TNNC2: variants seen among roughly 807,000 people sequenced by gnomAD.
TNNC2 encodes troponin C, skeletal muscle.
In TNNC2, 14 loss-of-function variants were observed where a neutral mutation model predicts 20.0. The ratio of observed to expected loss-of-function variants is 0.70; its 90% CI spans 0.46 to 1.09. The LOEUF (loss-of-function observed/expected upper bound fraction) is 1.09. Ranked by LOEUF, TNNC2 falls within the 50% of genes least tolerant of loss-of-function variation. The pLI, the probability that TNNC2 is intolerant of heterozygous loss-of-function variation, is 0.00. For synonymous variants in TNNC2, 81 were observed against 77.3 expected, an observed-to-expected ratio of 1.05 and a Z score of -0.25; for missense variants, 163 against 223.8, an observed-to-expected ratio of 0.73 and a Z score of 1.73.
In TNNC2 at chr20:45,823,888, GC is replaced by G; in HGVS notation, c.451+102del. The G allele has an allele frequency of 1.9e-6, 3 of 1,563,484 alleles. No individual in the cohort carries two copies. The Admixed American group carries it at 5.3e-5, about 28-fold the overall frequency. On this transcript the variant is annotated intron_variant, in intron 5 of 5. Transcript: ENST00000372555. This position sits in a 1 kb window ranked among gnomAD's most constrained non-coding sequence, Gnocchi z 4.6. ...GGGGAACTTGGTGAAGTTACGCCCAGCCCAGCCCACAAGGCCAAGGACACTG... is the reference window on the plus strand; with the variant it reads ...GGGGAACTTGGTGAAGTTACGCCCAGCCAGCCCACAAGGCCAAGGACACTG...
At chr20:45,826,978 C>T (rs532696428) in intron 1 of TNNC2, among the ~76,000 whole-genome samples, 4 of 152,326 alleles carry the variant, frequency 2.6e-5, no homozygotes, top group African/African-American at 9.6e-5. Flanking sequence ...AAGCTAAGAG[C>T]TCTTCACAGG....
At chr20:45,830,373 C>T (rs1983080636), upstream of TNNC2, among the ~76,000 whole-genome samples, 1 of 150,888 alleles carries the variant, frequency 6.6e-6, no homozygotes. Context: ...ACTCTAAACA[C>T]CACCTTCTAT....
At chr20:45,824,685 G>A (rs780344549) in intron 2 of TNNC2, 47 bp from the exon 3 acceptor site, 1 of 1,602,092 alleles carries the variant, frequency 6.2e-7, no homozygotes, top group South Asian at 1.1e-5. Flanking sequence ...TGGACTGTCA[G>A]CCTCACACCT....
chr20:45,827,351 C>A (rs1406991656), upstream of TNNC2: 5 of 1,487,944 alleles, frequency 3.4e-6, no homozygotes, highest in African/African-American at 1.4e-5. Flanking sequence ...TGTAGGGGCA[C>A]CCTCCCCTCC....
Position 45,823,391 on chromosome 20 carries a change from G to A in TNNC2, c.452-12C>T, listed in dbSNP as rs369355208. ...CATCTTCAGGAACTCTGAGGGAAAG[G>A]AGAGGGAGAGGGTCAGGGGTCCCAC... is the stretch of plus-strand genomic sequence containing the variant. On this transcript the variant is annotated splice_polypyrimidine_tract_variant and intron_variant, in intron 5 of 5. Transcript: ENST00000372555. The surrounding 1 kb of genome is among the most constrained non-coding windows in gnomAD (Gnocchi z 4.6). The A allele has an allele frequency of 5.5e-5, 88 of 1,591,432 alleles. 1 individual carries two copies. In the African/African-American group the frequency reaches 9.6e-4, roughly 17 times the overall value.
At chr20:45,829,160 G>GTTTTTT (rs57079984), upstream of TNNC2, among the ~76,000 whole-genome samples, 4 of 98,280 alleles carry the variant, frequency 4.1e-5, no homozygotes, top group Non-Finnish European at 8.3e-5. Flanking sequence ...TTTGTTTTTG[G>GTTTTTT]TTTTTTTTTT....
chr20:45,825,448 C>T (rs1335488061), intron 1 of TNNC2, among the ~76,000 whole-genome samples: 1 of 151,862 alleles, frequency 6.6e-6, no homozygotes, highest in African/African-American at 2.4e-5. Flanking sequence ...TGCGCCAACA[C>T]GCCCAGCTAA....
Position 45,823,505 on chromosome 20 carries a change from TTG to T in TNNC2, c.452-128_452-127del. On this transcript the variant is annotated intron_variant, in intron 5 of 5. Transcript: ENST00000372555. This position sits in a 1 kb window ranked among gnomAD's most constrained non-coding sequence, Gnocchi z 4.6. ...TTTGTTGAGACAGAGTCTCACTCTG[TTG>T]CCAAGGTCGCCAAGGTCTGTCACCC... 1.1e-6 allele frequency: 1 copy of T among 942,456 alleles called. No homozygotes were observed. Among genetic ancestry groups the T allele is most frequent in the Non-Finnish European group, 1.6e-6 (1 of 641,760 alleles). The allele number at this position is 942,456 out of a possible 1,614,324, so 58.4% of individuals were successfully genotyped here. A position where few individuals can be genotyped will look rare whatever the true frequency, so the allele number is the denominator to read the frequency against.
chr20:45,827,263 G>A lies in TNNC2; in HGVS notation c.-15C>T, dbSNP rs754727107. The A allele has an allele frequency of 2.7e-5, 43 of 1,613,938 alleles. No individual in the cohort carries two copies. Among genetic ancestry groups the A allele is most frequent in the Admixed American group, 2.2e-4 (13 of 60,000 alleles). On this transcript the variant is annotated 5_prime_UTR_variant, in exon 1 of 6. Coordinates refer to ENST00000372555, the MANE Select transcript of TNNC2 (RefSeq NM_003279.3). ...GTCCTTACCATGGTTGCTGGTGACCGGGACTCCTCTGTTGCAGGTCGCCTC... is the reference window on the plus strand; with the variant it reads ...GTCCTTACCATGGTTGCTGGTGACCAGGACTCCTCTGTTGCAGGTCGCCTC...
rs749513092 is a variant in TNNC2 at position 45,824,411 on chromosome 20, G to T, written c.200-5C>A. The T allele has an allele frequency of 1.2e-6, 2 of 1,610,532 alleles. No homozygotes were observed. The highest frequency in any genetic ancestry group is 2.7e-5 in the African/African-American group (2 of 74,886). ...CGAAGTCGATGGTGCCGCTGCCTGC[G>T]GGCAGCAGGTGGCAGACTGAGCCTG... On this transcript the variant is annotated splice_region_variant and splice_polypyrimidine_tract_variant and intron_variant, in intron 3 of 5. Coordinates refer to ENST00000372555, the MANE Select transcript of TNNC2 (RefSeq NM_003279.3).
intron 4 of TNNC2, 47 bp downstream of exon 4, chr20:45,824,245 G>C (rs1289812152): frequency 6.2e-7 from 1 of 1,604,084 alleles, no homozygotes; most frequent in Non-Finnish European, 8.5e-7. Flanking sequence ...TGCCGGCCGG[G>C]TTCTGACTGC....
rs775665049 is a variant in TNNC2 at position 45,823,383 on chromosome 20, A to G, written c.452-4T>C. 1 of 1,592,250 alleles carries G rather than the reference A, an allele frequency of 6.3e-7. No individual in the cohort carries two copies. The highest frequency in any genetic ancestry group is 8.5e-7 in the Non-Finnish European group (1 of 1,169,802). ...CCCTCCATCATCTTCAGGAACTCTG[A>G]GGGAAAGGAGAGGGAGAGGGTCAGG... On this transcript the variant is annotated splice_region_variant and splice_polypyrimidine_tract_variant and intron_variant, in intron 5 of 5. Transcript: ENST00000372555. The surrounding 1 kb of genome is among the most constrained non-coding windows in gnomAD (Gnocchi z 4.6).
In TNNC2 at chr20:45,823,935, G is replaced by GC. The variant is rs1400689477; in HGVS notation, c.451+55dup. On this transcript the variant is annotated intron_variant, in intron 5 of 5. Coordinates refer to ENST00000372555, the MANE Select transcript of TNNC2 (RefSeq NM_003279.3). The surrounding 1 kb of genome is among the most constrained non-coding windows in gnomAD (Gnocchi z 4.6). ...CACTGCACCGGAGCCAGGCACCAGT[G>GC]CCCGCCGTCCTCTGGGGCTCCCACC... is the stretch of plus-strand genomic sequence containing the variant. 1 of 1,608,814 alleles carries GC rather than the reference G, an allele frequency of 6.2e-7. No individual in the cohort carries two copies. The highest frequency in any genetic ancestry group is 8.5e-7 in the Non-Finnish European group (1 of 1,176,892).
chr20:45,826,683 G>C (rs1982979792), intron 1 of TNNC2, among the ~76,000 whole-genome samples: 1 of 152,198 alleles, frequency 6.6e-6, no homozygotes, highest in African/African-American at 2.4e-5. Flanking sequence ...GTGGGGAGGG[G>C]GATCTCAGAC....
chr20:45,827,563 C>T (rs916839419), upstream of TNNC2, among the ~76,000 whole-genome samples: 2 of 152,134 alleles, frequency 1.3e-5, no homozygotes, highest in Admixed American at 1.3e-4. Context: ...CCTTGGAGTC[C>T]CCCCGACCGA....
Position 45,823,263 on chromosome 20 carries a change from C to T in TNNC2, c.*85G>A, listed in dbSNP as rs1345824568. On this transcript the variant is annotated 3_prime_UTR_variant, in exon 6 of 6. Transcript: ENST00000372555. This position sits in a 1 kb window ranked among gnomAD's most constrained non-coding sequence, Gnocchi z 4.6. Reference sequence around the variant, plus strand: ...TTCCAGACAAAGACCCACAAGGGGTCGCGCCTCCCTGGTGGGGACCCGGCA... The same window carrying T: ...TTCCAGACAAAGACCCACAAGGGGTTGCGCCTCCCTGGTGGGGACCCGGCA... The T allele has an allele frequency of 2.3e-6, 3 of 1,332,478 alleles. No homozygotes were observed. The highest frequency in any genetic ancestry group is 2.7e-5 in the Admixed American group (1 of 36,598). The allele number at this position is 1,332,478 out of a possible 1,614,324, so 82.5% of individuals were successfully genotyped here.
At chr20:45,829,170 T>G (rs572735422), upstream of TNNC2, among the ~76,000 whole-genome samples, 9 of 145,518 alleles carry the variant, frequency 6.2e-5, no homozygotes, top group Non-Finnish European at 9.0e-5. Context: ...GTTTTTTTTT[T>G]TTTTTTTTTT....
upstream of TNNC2, among the ~76,000 whole-genome samples, chr20:45,830,209 G>A (rs772930087): frequency 1.3e-5 from 2 of 151,472 alleles, no homozygotes; most frequent in Non-Finnish European, 2.9e-5. Context: ...GGTGGTGGGC[G>A]CCTGTAGTCC....
chr20:45,824,136 C>T lies in TNNC2; in HGVS notation c.315-9G>A. ...TGTAGCCGTCTGCATTCCTTCAGGT[C>T]CGAGGGACAGGGCAGGGCTCAGGGC... On this transcript the variant is annotated splice_polypyrimidine_tract_variant and intron_variant, in intron 4 of 5. Coordinates refer to ENST00000372555, the MANE Select transcript of TNNC2 (RefSeq NM_003279.3). 1 of 1,613,594 alleles carries T rather than the reference C, an allele frequency of 6.2e-7. No individual in the cohort carries two copies. The highest frequency in any genetic ancestry group is 8.5e-7 in the Non-Finnish European group (1 of 1,179,914).
Sources: allele counts gnomAD v4.1 joint callset (sites outside exome capture counted in the v4.1 genomes callset), GRCh38; gene constraint gnomAD v4.1.1; non-coding constraint Gnocchi (gnomAD v3.1); transcripts MANE v1.5; gene names NCBI Gene and HGNC (gene_info 2026-07-23, HGNC 2026-07-21).